STK33: variants seen among roughly 807,000 people sequenced by gnomAD.
STK33 encodes the protein serine/threonine-protein kinase 33.
Under a neutral mutation model 58.0 loss-of-function variants are expected in STK33, and 52 were observed. The observed-to-expected ratio is 0.90, with a 90% CI of 0.72 to 1.13. The LOEUF is 1.13. STK33 is among the 50% of genes most tolerant of loss of function. The probability of loss-of-function intolerance (pLI) is 0.00; values close to 1 mark genes in which losing one functional copy is unlikely to be tolerated. For synonymous variants in STK33, 215 were observed against 200.1 expected (o/e 1.07, Z -0.63); for missense variants, 630 against 604.2 (o/e 1.04, Z -0.45).
chr11:8,547,307 C>T (rs1413250011), intron 1 of STK33, among the ~76,000 whole-genome samples: 3 of 152,156 alleles, frequency 2.0e-5, no homozygotes, highest in South Asian at 2.1e-4. Flanking sequence ...CTCCGCCTCC[C>T]GGGTTCAAGT....
Position 8,457,498 on chromosome 11 carries a change from AAGAG to A in STK33, c.559-23_559-20del, listed in dbSNP as rs766701572. The stretch of plus-strand genomic sequence containing the variant: ...ACATTTTCTGACATTATATATATAA[AAGAG>A]AGAGAGAGCAAATTATATATCTGGG... On this transcript the variant is annotated intron_variant, in intron 8 of 15. Transcript: ENST00000687296. The A allele has an allele frequency of 1.9e-6, 3 of 1,555,216 alleles. No homozygotes were observed. The highest frequency in any genetic ancestry group is 1.2e-5 in the South Asian group (1 of 83,880).
At chr11:8,488,710 C>A (rs1265695557) in intron 1 of STK33, among the ~76,000 whole-genome samples, 1 of 152,042 alleles carries the variant, frequency 6.6e-6, no homozygotes, top group Non-Finnish European at 1.5e-5. Flanking sequence ...ACTACCACTA[C>A]AACCAGCAGC....
chr11:8,413,462 A>G (rs542889891), intron 15 of STK33, 33 bp downstream of exon 15: 2 of 1,610,756 alleles, frequency 1.2e-6, no homozygotes, highest in Non-Finnish European at 1.7e-6. Context: ...GGTATTTTAC[A>G]CTTGGGAGAA....
At chr11:8,411,485 T>TCCTC (rs1258788546) in intron 15 of STK33, among the ~76,000 whole-genome samples, 1 of 152,206 alleles carries the variant, frequency 6.6e-6, no homozygotes, top group African/African-American at 2.4e-5. Context: ...TTTTAACACA[T>TCCTC]CCTCACTTAC....
chr11:8,397,720 A>T (rs7124356), intron 15 of STK33, among the ~76,000 whole-genome samples: 29,865 of 152,074 alleles, frequency 0.2, 3,371 homozygotes, highest in African/African-American at 0.3. Context: ...TGAAAAAAAA[A>T]TAGACAAATG....
At chr11:8,424,979 CTTCAG>C (rs1255878332) in intron 14 of STK33, among the ~76,000 whole-genome samples, 6 of 133,218 alleles carry the variant, frequency 4.5e-5, no homozygotes, top group African/African-American at 1.8e-4. Flanking sequence ...CCCAGAAGCT[CTTCAG>C]TTTAATTAGA....
At position 8,440,684 on chromosome 11, in the gene STK33, T is replaced by C; in HGVS notation, c.941A>G (p.Tyr314Cys). 1 of 1,563,336 alleles carries C rather than the reference T, an allele frequency of 6.4e-7. No individual in the cohort carries two copies. The highest frequency in any genetic ancestry group is 8.7e-7 in the Non-Finnish European group (1 of 1,151,780). The part of the protein sequence containing the change: ...CDIWSIGVVM[Y>C]MLLRGEPPFL... ...CATTTAGCAGGCTACTTACAACATG[T>C]ACATTACGACGCCTATGCTCCAAAT... Residue 314 changes from tyrosine (Y) to cysteine (C), a missense_variant, in exon 12 of 16, where the codon TAC becomes TGC. Tyr to Cys is a radical substitution (Grantham distance 194). Coordinates refer to ENST00000687296, the MANE Select transcript of STK33 (RefSeq NM_001352389.2).
intron 1 of STK33, among the ~76,000 whole-genome samples, chr11:8,559,712 T>TCAGAG (rs1395650290): frequency 6.6e-6 from 1 of 152,192 alleles, no homozygotes; most frequent in African/African-American, 2.4e-5. Context: ...AGAAAATAAT[T>TCAGAG]GCTGTAATAA....
intron 1 of STK33, among the ~76,000 whole-genome samples, chr11:8,581,590 T>A (rs1189967706): frequency 6.6e-6 from 1 of 151,792 alleles, no homozygotes; most frequent in East Asian, 1.9e-4. Flanking sequence ...TTAGAGGGAG[T>A]CTTCTAAGTG....
At chr11:8,489,846 G>C (rs764731240) in intron 1 of STK33, among the ~76,000 whole-genome samples, 6 of 152,148 alleles carry the variant, frequency 3.9e-5, no homozygotes, top group Non-Finnish European at 7.4e-5. Context: ...CTCAACTGCA[G>C]TTTTGAGCAG....
chr11:8,491,679 T>G (rs1419873715), intron 1 of STK33, among the ~76,000 whole-genome samples: 1 of 152,104 alleles, frequency 6.6e-6, no homozygotes, highest in African/African-American at 2.4e-5. Flanking sequence ...AAAACAATGT[T>G]AAGGGCAGCC....
chr11:8,411,686 A>G (rs1940270355), intron 15 of STK33, among the ~76,000 whole-genome samples: 1 of 152,180 alleles, frequency 6.6e-6, no homozygotes, highest in Non-Finnish European at 1.5e-5. Flanking sequence ...GTCTGCTTGA[A>G]TACTTCCAAT....
chr11:8,406,946 G>T (rs917137923), intron 15 of STK33, among the ~76,000 whole-genome samples: 1 of 150,950 alleles, frequency 6.6e-6, no homozygotes, highest in African/African-American at 2.4e-5. Flanking sequence ...TCAATATTTT[G>T]CCATTAAGAA....
chr11:8,518,563 A>C (rs2139718460), intron 1 of STK33, among the ~76,000 whole-genome samples: 4 of 152,336 alleles, frequency 2.6e-5, no homozygotes, highest in Admixed American at 2.6e-4. Flanking sequence ...GGATAGAGTC[A>C]AGATCCATCA....
intron 1 of STK33, among the ~76,000 whole-genome samples, chr11:8,481,213 C>G (rs1209461856): frequency 6.6e-6 from 1 of 152,150 alleles, no homozygotes; most frequent in Non-Finnish European, 1.5e-5. Flanking sequence ...GGCAACTTTC[C>G]CCTTATAGCC....
the STK33 span, among the ~76,000 whole-genome samples, chr11:8,357,852 A>C: frequency 6.6e-6 from 1 of 152,242 alleles, no homozygotes; most frequent in African/African-American, 2.4e-5. Context: ...ATGAGCTCAC[A>C]CCCAGTGTGT....
At chr11:8,370,953 GGA>G in the STK33 span, among the ~76,000 whole-genome samples, 4 of 152,188 alleles carry the variant, frequency 2.6e-5, no homozygotes, top group African/African-American at 7.2e-5. Flanking sequence ...GACTAGGGCT[GGA>G]GAGAGTTGTG....
the STK33 span, among the ~76,000 whole-genome samples, chr11:8,374,023 C>T: frequency 7.4e-4 from 112 of 152,340 alleles, no homozygotes; most frequent in Non-Finnish European, 1.1e-3. Context: ...ATTATGTAAG[C>T]GCCAAAGTTA....
chr11:8,456,436 G>A (rs904526236), intron 9 of STK33, among the ~76,000 whole-genome samples: 1 of 152,218 alleles, frequency 6.6e-6, no homozygotes, highest in African/African-American at 2.4e-5. Context: ...ACCAGCCCAA[G>A]TTCCTTGGAG....
Sources: gnomAD v4.1 joint callset for allele counts (sites outside exome capture counted in the v4.1 genomes callset) on GRCh38, gnomAD v4.1.1 for gene constraint, MANE v1.5 for transcripts, NCBI Gene and HGNC (gene_info 2026-07-23, HGNC 2026-07-21) for gene names.